UBE2E2: variants seen among roughly 807,000 people sequenced by gnomAD.
UBE2E2 encodes ubiquitin-conjugating enzyme E2 E2.
A neutral mutation model predicts 24.7 loss-of-function variants in UBE2E2; 6 were observed. The observed-to-expected ratio is 0.24, with a 90% confidence interval of 0.13 to 0.48. The LOEUF is 0.48. Among genes scored for constraint, UBE2E2 ranks in the 20% least tolerant of loss-of-function variants. The pLI is 0.99. For missense variants in UBE2E2, 169 were observed against 245.0 expected (o/e 0.69, Z 2.07); for synonymous variants, 104 against 83.6 (o/e 1.24, Z -1.33).
intron 3 of UBE2E2, among the ~76,000 whole-genome samples, chr3:23,236,269 A>G (rs1697109746): frequency 6.6e-6 from 1 of 152,194 alleles, no homozygotes; most frequent in Admixed American, 6.5e-5. Flanking sequence ...TCACCGGGAA[A>G]GTAATAAGTA....
chr3:23,370,210 T>G (rs1391238861), intron 3 of UBE2E2, among the ~76,000 whole-genome samples: 2 of 152,210 alleles, frequency 1.3e-5, no homozygotes, highest in Non-Finnish European at 2.9e-5. Flanking sequence ...TGTTAAACTT[T>G]TGGTCTTTGT....
intron 3 of UBE2E2, among the ~76,000 whole-genome samples, chr3:23,219,208 G>A (rs959130971): frequency 6.6e-6 from 1 of 152,176 alleles, no homozygotes; most frequent in African/African-American, 2.4e-5. Context: ...ACTGGGTCAG[G>A]CAGAGAGAAA....
Sources: gnomAD v4.1 joint callset for allele counts (sites outside exome capture counted in the v4.1 genomes callset) on GRCh38, gnomAD v4.1.1 for gene constraint, MANE v1.5 for transcripts, NCBI Gene and HGNC (gene_info 2026-07-23, HGNC 2026-07-21) for gene names.